SMOC1: variants seen among roughly 807,000 people sequenced by gnomAD.
SMOC1 encodes the protein SPARC-related modular calcium-binding protein 1.
A neutral mutation model predicts 56.3 loss-of-function variants in SMOC1; 22 were observed. That is an observed-to-expected ratio of 0.39 (90% CI 0.28 to 0.56). SMOC1 has a LOEUF of 0.56. Ranked by LOEUF, SMOC1 falls within the 20% of genes least tolerant of loss-of-function variation. The pLI is 0.61. For missense variants in SMOC1, 509 were observed against 565.4 expected, an observed-to-expected ratio of 0.90 and a Z score of 1.01; for synonymous variants, 193 against 215.0, an observed-to-expected ratio of 0.90 and a Z score of 0.89.
intron 1 of SMOC1, among the ~76,000 whole-genome samples, chr14:69,901,093 T>C (rs762262619): frequency 6.6e-6 from 1 of 152,212 alleles, no homozygotes; most frequent in Admixed American, 6.5e-5. Context: ...TGCTATACCA[T>C]GTGATGAAAT....
At chr14:69,993,082 G>T (rs967620016) in intron 6 of SMOC1, among the ~76,000 whole-genome samples, 3 of 152,194 alleles carry the variant, frequency 2.0e-5, no homozygotes, top group African/African-American at 4.8e-5. Flanking sequence ...TTCCAGGCAG[G>T]GTGCTGGCAT....
chr14:69,892,096 C>T (rs979893231), intron 1 of SMOC1, among the ~76,000 whole-genome samples: 2 of 152,202 alleles, frequency 1.3e-5, no homozygotes, highest in Admixed American at 6.5e-5. Context: ...ACGAGGGTTT[C>T]AATCCACTGA....
chr14:69,980,883 G>A (rs1025833555), intron 5 of SMOC1, among the ~76,000 whole-genome samples: 1 of 152,152 alleles, frequency 6.6e-6, no homozygotes, highest in African/African-American at 2.4e-5. Flanking sequence ...GGGCAAGGAC[G>A]GGACCCGGGA....
chr14:70,010,984 T>C (rs1404119800), intron 8 of SMOC1, 38 bp downstream of exon 8: 1 of 1,608,760 alleles, frequency 6.2e-7, no homozygotes, highest in Non-Finnish European at 8.5e-7. Flanking sequence ...AAAACGCACC[T>C]GCTGGCTGTT....
At chr14:70,005,446 A>G (rs570685068) in intron 7 of SMOC1, among the ~76,000 whole-genome samples, 5 of 151,282 alleles carry the variant, frequency 3.3e-5, no homozygotes, top group African/African-American at 1.2e-4. Flanking sequence ...GTCTGGTCCA[A>G]CCTCTTTTTT....
chr14:70,006,836 G>A (rs1196027455), intron 7 of SMOC1, among the ~76,000 whole-genome samples: 1 of 152,144 alleles, frequency 6.6e-6, no homozygotes, highest in Non-Finnish European at 1.5e-5. Flanking sequence ...TCTCCAGTAG[G>A]CGAGACCAGC....
chr14:69,994,605 C>A (rs1884700110), intron 7 of SMOC1, 125 bp downstream of exon 7: 1 of 787,432 alleles, frequency 1.3e-6, no homozygotes. Flanking sequence ...ATTTCTATAG[C>A]TATAAAATAA....
intron 7 of SMOC1, among the ~76,000 whole-genome samples, chr14:70,002,953 T>G (rs1434800346): frequency 6.6e-6 from 1 of 152,126 alleles, no homozygotes; most frequent in African/African-American, 2.4e-5. Flanking sequence ...GTCCTATCTT[T>G]CTCTCTTTTA....
intron 1 of SMOC1, among the ~76,000 whole-genome samples, chr14:69,883,242 A>T (rs1464109154): frequency 6.6e-6 from 1 of 152,064 alleles, no homozygotes; most frequent in African/African-American, 2.4e-5. Flanking sequence ...CTCCTCTCTA[A>T]CTATAATTAT....
chr14:70,012,288 C>T (rs1465938173), intron 9 of SMOC1, among the ~76,000 whole-genome samples: 1 of 152,184 alleles, frequency 6.6e-6, no homozygotes. Flanking sequence ...AGAATGGAGT[C>T]ATGGTGGCCA....
chr14:69,988,714 C>T (rs977798319), intron 5 of SMOC1, among the ~76,000 whole-genome samples: 2 of 152,186 alleles, frequency 1.3e-5, no homozygotes, highest in African/African-American at 2.4e-5. Context: ...TCTACTCCTA[C>T]CTGTAGCTCT....
At position 69,975,600 on chromosome 14, in the gene SMOC1, A is replaced by G. The variant is rs964327685; in HGVS notation, c.379-115A>G. ...CACTCTGGAGACAGATGTGGGGATG[A>G]GAGGTGGAAGATGCTCTTTCACCGT... On this transcript the variant is annotated intron_variant, in intron 3 of 11. Transcript: ENST00000361956. 20 of 787,156 alleles carry G rather than the reference A, an allele frequency of 2.5e-5. No individual in the cohort carries two copies. In the Admixed American group the frequency reaches 3.7e-4, roughly 15 times the overall value. 48.8% of individuals were successfully genotyped at this position (787,156 alleles called of 1,614,324 possible). A position where few individuals can be genotyped will look rare whatever the true frequency, so the allele number is the denominator to read the frequency against.
intron 11 of SMOC1, among the ~76,000 whole-genome samples, chr14:70,028,046 T>TG (rs1421646410): frequency 1.3e-5 from 2 of 152,212 alleles, no homozygotes; most frequent in South Asian, 2.1e-4. Flanking sequence ...AGAAGCTGGC[T>TG]GGGGGAAGGA....
chr14:70,022,348 T>G lies in SMOC1; in HGVS notation c.1047-855T>G, dbSNP rs115250937. On this transcript the variant is annotated intron_variant, in intron 10 of 11. Transcript: ENST00000361956. ...CGTAGATGTTGGCCTTGTAACTTGA[T>G]GAGGGGCTGTGTTAGATGTGCTTGT... Among the ~76,000 whole-genome samples the G allele has an allele frequency of 3.9e-3, 599 of 152,362 alleles. 5 individuals carry two copies. The highest frequency in any genetic ancestry group is 0.013 in the African/African-American group (555 of 41,590).
At chr14:69,903,906 A>C (rs900254175) in intron 1 of SMOC1, among the ~76,000 whole-genome samples, 2 of 151,992 alleles carry the variant, frequency 1.3e-5, no homozygotes, top group African/African-American at 4.8e-5. Context: ...CAATTAAAAA[A>C]AAAAAAAAAA....
rs895251644 is a variant in SMOC1 at position 70,004,465 on chromosome 14, G to A, written c.665-6289G>A. ...GTGGGTCCCATCCAATCAGTGGAAG[G>A]GCTTAAGAGCAAAGACTGAGGTTTC... On this transcript the variant is annotated intron_variant, in intron 7 of 11. Coordinates refer to ENST00000361956, the MANE Select transcript of SMOC1 (RefSeq NM_001034852.3). Among the ~76,000 whole-genome samples, 6 of 152,298 alleles carry A rather than the reference G, an allele frequency of 3.9e-5. No homozygotes were observed. In the East Asian group the frequency reaches 1.2e-3, roughly 29 times the overall value.
intron 1 of SMOC1, among the ~76,000 whole-genome samples, chr14:69,900,056 C>T (rs559242971): frequency 6.6e-6 from 1 of 152,318 alleles, no homozygotes; most frequent in Non-Finnish European, 1.5e-5. Context: ...CATTTCTATT[C>T]ACTCCAGACA....
chr14:69,885,729 C>T (rs1883784755), intron 1 of SMOC1: 2 of 1,467,352 alleles, frequency 1.4e-6, no homozygotes, highest in African/African-American at 1.4e-5. Context: ...TTAACTCCTG[C>T]TCGAAGGACA....
At chr14:69,951,993 G>T in intron 1 of SMOC1, 145 bp from the exon 2 acceptor site, 1 of 865,902 alleles carries the variant, frequency 1.2e-6, no homozygotes, top group South Asian at 1.5e-5. Context: ...CTTTGTGGCT[G>T]CTCCGTTCCC....
Sources: gnomAD v4.1 joint callset for allele counts (sites outside exome capture counted in the v4.1 genomes callset) on GRCh38, gnomAD v4.1.1 for gene constraint, MANE v1.5 for transcripts, NCBI Gene and HGNC (gene_info 2026-07-23, HGNC 2026-07-21) for gene names.